Variants in CCSER1 observed in about 807,000 individuals in gnomAD.
CCSER1 encodes the protein coiled-coil serine rich protein 1.
A neutral mutation model predicts 82.0 loss-of-function variants in CCSER1; 41 were observed. The observed-to-expected ratio is 0.50, with a 90% CI of 0.39 to 0.65. The LOEUF is 0.65. CCSER1 is among the 30% of genes least tolerant of loss of function. The pLI is 0.00. For synonymous variants in CCSER1, 414 were observed against 383.9 expected (o/e 1.08, Z -0.92); for missense variants, 1,119 against 1,064.2 (o/e 1.05, Z -0.72).
At chr4:91,316,594 C>T (rs1745851580) in intron 10 of CCSER1, among the ~76,000 whole-genome samples, 1 of 152,000 alleles carries the variant, frequency 6.6e-6, no homozygotes, top group African/African-American at 2.4e-5. Context: ...ATTCTTGACC[C>T]CTCCATTTCT....
intron 10 of CCSER1, among the ~76,000 whole-genome samples, chr4:91,596,592 T>C (rs73836297): frequency 0.099 from 15,114 of 151,994 alleles, 767 homozygotes; most frequent in Middle Eastern, 0.16. Flanking sequence ...GCCTAGAGTA[T>C]TGGGAAAGAG....
chr4:91,548,503 T>C (rs1761997323), intron 10 of CCSER1, among the ~76,000 whole-genome samples: 1 of 152,194 alleles, frequency 6.6e-6, no homozygotes, highest in Non-Finnish European at 1.5e-5. Flanking sequence ...TTTCTTCTCT[T>C]TGGGCAACTT....
chr4:91,520,054 T>C (rs1760370812), intron 10 of CCSER1, among the ~76,000 whole-genome samples: 1 of 152,234 alleles, frequency 6.6e-6, no homozygotes, highest in South Asian at 2.1e-4. Context: ...CCATTTACTA[T>C]TGTTTTCTAC....
chr4:90,292,895 A>G (rs534616842), intron 1 of CCSER1, among the ~76,000 whole-genome samples: 11 of 152,058 alleles, frequency 7.2e-5, no homozygotes, highest in African/African-American at 2.6e-4. Context: ...ATAAATGTCC[A>G]ATGTAGCCAC....
intron 10 of CCSER1, among the ~76,000 whole-genome samples, chr4:91,527,330 A>G (rs935000724): frequency 2.6e-5 from 4 of 152,156 alleles, no homozygotes. Context: ...CTTGAATGCT[A>G]TGCTAAAACA....
chr4:90,194,180 G>C (rs879301151), intron 1 of CCSER1, among the ~76,000 whole-genome samples: 11 of 152,052 alleles, frequency 7.2e-5, no homozygotes, highest in Non-Finnish European at 1.3e-4. Flanking sequence ...GCCTAGATCA[G>C]ATTTGCAGCC....
At chr4:90,849,792 A>T (rs1415730370) in intron 8 of CCSER1, among the ~76,000 whole-genome samples, 2 of 99,960 alleles carry the variant, frequency 2.0e-5, no homozygotes, top group South Asian at 4.1e-4. Context: ...CCATCTCATA[A>T]AAAAAAAAAA....
chr4:90,468,380 G>T, intron 5 of CCSER1, 26 bp downstream of exon 5: 1 of 1,586,786 alleles, frequency 6.3e-7, no homozygotes, highest in Admixed American at 1.7e-5. Flanking sequence ...AATTTTTCAA[G>T]GCCTTGTAAA....
intron 10 of CCSER1, among the ~76,000 whole-genome samples, chr4:91,594,290 T>C (rs1385624453): frequency 6.6e-6 from 1 of 150,378 alleles, no homozygotes; most frequent in Non-Finnish European, 1.5e-5. Flanking sequence ...TATATATGTG[T>C]GTATATATGT....
intron 10 of CCSER1, among the ~76,000 whole-genome samples, chr4:91,584,646 T>C (rs563751284): frequency 4.2e-4 from 64 of 151,644 alleles, no homozygotes; most frequent in African/African-American, 1.5e-3. Context: ...TACATTTTGA[T>C]TGGTCCTAAA....
intron 9 of CCSER1, among the ~76,000 whole-genome samples, chr4:91,001,940 A>G (rs1017896098): frequency 1.3e-5 from 2 of 152,152 alleles, no homozygotes; most frequent in Non-Finnish European, 2.9e-5. Flanking sequence ...CAGTTCTCAT[A>G]GTTCTGGCTT....
At chr4:90,306,403 T>G (rs1734276323) in intron 1 of CCSER1, among the ~76,000 whole-genome samples, 1 of 152,198 alleles carries the variant, frequency 6.6e-6, no homozygotes. Flanking sequence ...AATTTGCTTA[T>G]TTCATAATAT....
intron 1 of CCSER1, among the ~76,000 whole-genome samples, chr4:90,229,042 A>C (rs1743866792): frequency 6.6e-6 from 1 of 152,176 alleles, no homozygotes; most frequent in South Asian, 2.1e-4. Flanking sequence ...GTTGGAAAAC[A>C]CTCTGCAGGA....
At chr4:91,051,771 T>C (rs999542403) in intron 9 of CCSER1, among the ~76,000 whole-genome samples, 9 of 152,176 alleles carry the variant, frequency 5.9e-5, no homozygotes, top group African/African-American at 2.2e-4. Flanking sequence ...ATTCATTCTA[T>C]ATCATTACTA....
intron 8 of CCSER1, chr4:90,911,222 T>A (rs779624543): frequency 2.3e-4 from 101 of 434,214 alleles, no homozygotes; most frequent in Admixed American, 1.2e-3. Context: ...AACAAAAAAA[T>A]TATATTAATA....
chr4:90,896,255 C>G (rs1226137725), intron 8 of CCSER1, among the ~76,000 whole-genome samples: 1 of 151,878 alleles, frequency 6.6e-6, no homozygotes, highest in Non-Finnish European at 1.5e-5. Context: ...TTATTCTATG[C>G]TGATATTATG....
chr4:90,842,451 A>G (rs1391557832), intron 8 of CCSER1, among the ~76,000 whole-genome samples: 1 of 152,182 alleles, frequency 6.6e-6, no homozygotes, highest in Non-Finnish European at 1.5e-5. Flanking sequence ...TACAGAAATG[A>G]TTAGTCCAGG....
intron 1 of CCSER1, among the ~76,000 whole-genome samples, chr4:90,236,499 G>A (rs891011762): frequency 3.9e-5 from 6 of 152,048 alleles, no homozygotes; most frequent in African/African-American, 1.2e-4. Flanking sequence ...TCTTAAGGGC[G>A]AAACAATCTG....
intron 10 of CCSER1, among the ~76,000 whole-genome samples, chr4:91,398,661 G>T (rs1328633060): frequency 6.6e-6 from 1 of 151,566 alleles, no homozygotes; most frequent in African/African-American, 2.4e-5. Context: ...GAGATACCTG[G>T]CAGACAATTA....
Sources: allele counts gnomAD v4.1 joint callset (sites outside exome capture counted in the v4.1 genomes callset), GRCh38; gene constraint gnomAD v4.1.1; transcripts MANE v1.5; gene names NCBI Gene and HGNC (gene_info 2026-07-23, HGNC 2026-07-21).